The following LRP6 variants were observed in gnomAD, a reference collection of about 807,000 sequenced individuals.
The protein encoded by LRP6 is low-density lipoprotein receptor-related protein 6.
Under a neutral mutation model 184.1 loss-of-function variants are expected in LRP6, and 43 were observed. The observed-to-expected ratio is 0.23, with a 90% CI of 0.18 to 0.30. The LOEUF is 0.30. Among genes scored for constraint, LRP6 ranks in the 10% least tolerant of loss-of-function variants. LRP6 has a pLI of 1.00. For synonymous variants in LRP6, 719 were observed against 684.9 expected (o/e 1.05, Z -0.78); for missense variants, 1,571 against 2,005.3 (o/e 0.78, Z 4.14).
At chr12:12,143,663 C>T (rs1949963675) in intron 15 of LRP6, among the ~76,000 whole-genome samples, 1 of 152,042 alleles carries the variant, frequency 6.6e-6, no homozygotes, top group Non-Finnish European at 1.5e-5. Context: ...GATGCTGAAT[C>T]CAACAGTAAT....
Position 12,148,965 on chromosome 12 carries a change from G to T in LRP6, c.3183C>A (p.Ala1061=), listed in dbSNP as rs776614012. Reference sequence around the variant, plus strand: ...ACCCTTTCTCTGGGTTTACCACAACGGCTCGAGGTCTGTCCTGCTCGCCTT... The same window carrying T: ...ACCCTTTCTCTGGGTTTACCACAACTGCTCGAGGTCTGTCCTGCTCGCCTT... ...VLKGEQDRPR[A]VVVNPEKGYM... is the part of the protein sequence containing the mutation. The change falls in exon 14 of 23, where the codon GCC becomes GCA. Residue 1061 remains alanine, a synonymous_variant. Coordinates refer to ENST00000261349, the MANE Select transcript of LRP6 (RefSeq NM_002336.3). The T allele has an allele frequency of 2.5e-5, 40 of 1,613,446 alleles. No homozygotes were observed. In the South Asian group the frequency reaches 4.4e-4, roughly 18 times the overall value.
At position 12,118,679 on chromosome 12, in the gene LRP6, C is replaced by A. The variant is rs926063560; in HGVS notation, c.*2447G>T. The A allele has an allele frequency of 6.6e-6, 1 of 152,144 alleles. No homozygotes were observed. Among genetic ancestry groups the A allele is most frequent in the Non-Finnish European group, 1.5e-5 (1 of 68,012 alleles). 9.4% of individuals were successfully genotyped at this position (152,144 alleles called of 1,614,324 possible). A position where few individuals can be genotyped will look rare whatever the true frequency, so the allele number is the denominator to read the frequency against. Reference sequence around the variant, plus strand: ...GCTCAATAAATCTTTCCAAATTTGACAATTCTCTCATTAAAAAGTACTCCC... The same window carrying A: ...GCTCAATAAATCTTTCCAAATTTGAAAATTCTCTCATTAAAAAGTACTCCC... On this transcript the variant is annotated 3_prime_UTR_variant, in exon 23 of 23. Coordinates refer to ENST00000261349, the MANE Select transcript of LRP6 (RefSeq NM_002336.3).
At chr12:12,160,060 A>G in intron 10 of LRP6, 96 bp from the exon 11 acceptor site, 3 of 878,456 alleles carry the variant, frequency 3.4e-6, no homozygotes, top group Non-Finnish European at 5.1e-6. Flanking sequence ...ATTTAAAGAA[A>G]ACATACAGCA....
At chr12:12,161,619 T>C (rs1229123612) in intron 10 of LRP6, among the ~76,000 whole-genome samples, 1 of 152,218 alleles carries the variant, frequency 6.6e-6, no homozygotes, top group Non-Finnish European at 1.5e-5. Flanking sequence ...TCAGATTTCT[T>C]AGCTGCCGGC....
intron 2 of LRP6, among the ~76,000 whole-genome samples, chr12:12,221,048 C>G (rs1037605658): frequency 6.6e-6 from 1 of 152,240 alleles, no homozygotes; most frequent in African/African-American, 2.4e-5. Context: ...GTTCTTCCCA[C>G]AATCTACTAT....
intron 2 of LRP6, among the ~76,000 whole-genome samples, chr12:12,235,691 T>A (rs913221760): frequency 1.3e-5 from 2 of 149,042 alleles, no homozygotes; most frequent in Non-Finnish European, 3.0e-5. Context: ...GATCGCGCCA[T>A]TGCACTCCAG....
At chr12:12,134,123 G>A (rs541168437) in intron 17 of LRP6, among the ~76,000 whole-genome samples, 4 of 152,040 alleles carry the variant, frequency 2.6e-5, no homozygotes, top group South Asian at 2.1e-4. Flanking sequence ...CTTATAGTTC[G>A]ACGAATAAAA....
Position 12,159,198 on chromosome 12 carries a change from G to A in LRP6, c.2465-43C>T, listed in dbSNP as rs1008159796. 6.2e-6 allele frequency: 9 copies of A among 1,441,882 alleles called. No individual in the cohort carries two copies. In the African/African-American group the frequency reaches 7.0e-5, roughly 11 times the overall value. The allele number at this position is 1,441,882 out of a possible 1,614,324, so 89.3% of individuals were successfully genotyped here. ...GTAGACAGGGGAGAAGCAGAGTGAT[G>A]AAATATGTGAGAATACAAGTGTCTT... is the stretch of plus-strand genomic sequence containing the variant. On this transcript the variant is annotated intron_variant, in intron 11 of 22. Coordinates refer to ENST00000261349, the MANE Select transcript of LRP6 (RefSeq NM_002336.3).
intron 1 of LRP6, chr12:12,249,551 T>C (rs891016814): frequency 9.5e-6 from 5 of 526,736 alleles, no homozygotes; most frequent in African/African-American, 7.7e-5. Context: ...GCAAATTTTC[T>C]AGATATGTCT....
chr12:12,126,033 C>G (rs998835795), intron 20 of LRP6, among the ~76,000 whole-genome samples: 1 of 152,108 alleles, frequency 6.6e-6, no homozygotes, highest in African/African-American at 2.4e-5. Flanking sequence ...ATAGTAAGTT[C>G]CTATTTTCAG....
At chr12:12,265,640 T>A (rs781431115) in intron 1 of LRP6, among the ~76,000 whole-genome samples, 1 of 152,100 alleles carries the variant, frequency 6.6e-6, no homozygotes, top group Non-Finnish European at 1.5e-5. Flanking sequence ...AAACCAAAAC[T>A]ACAAGCCACC....
chr12:12,136,196 C>A (rs1949836907), intron 16 of LRP6, among the ~76,000 whole-genome samples: 1 of 151,738 alleles, frequency 6.6e-6, no homozygotes, highest in African/African-American at 2.4e-5. Context: ...CTACAAAAAA[C>A]AACAACAAAA....
At chr12:12,266,552 C>A in intron 1 of LRP6, 129 bp downstream of exon 1, 1 of 839,954 alleles carries the variant, frequency 1.2e-6, no homozygotes, top group South Asian at 1.6e-5. Flanking sequence ...TCCCCCTCCC[C>A]ACGACCAGGC....
At chr12:12,179,668 G>A (rs1863293570) in intron 7 of LRP6, 142 bp downstream of exon 7, 2 of 759,730 alleles carry the variant, frequency 2.6e-6, no homozygotes, top group Non-Finnish European at 4.3e-6. Context: ...AATCATGAAG[G>A]TTGAGTAAAA....
At chr12:12,231,180 C>CGAAAAAAA (rs1864776972) in intron 2 of LRP6, among the ~76,000 whole-genome samples, 1 of 23,558 alleles carries the variant, frequency 4.2e-5, no homozygotes, top group Non-Finnish European at 6.6e-5. Context: ...GACTCCATCT[C>CGAAAAAAA]AAAAAAAAAA....
At chr12:12,161,143 A>G (rs921095990) in intron 10 of LRP6, among the ~76,000 whole-genome samples, 3 of 152,256 alleles carry the variant, frequency 2.0e-5, no homozygotes, top group Non-Finnish European at 4.4e-5. Flanking sequence ...GTTTAGAGCA[A>G]AGATCACCAC....
intron 4 of LRP6, among the ~76,000 whole-genome samples, chr12:12,185,646 C>T (rs1863449750): frequency 6.6e-6 from 1 of 152,162 alleles, no homozygotes; most frequent in South Asian, 2.1e-4. Flanking sequence ...TACAAGTTCT[C>T]AGCAGTCATA....
chr12:12,188,114 A>G (rs1863522369), intron 3 of LRP6, among the ~76,000 whole-genome samples: 1 of 151,358 alleles, frequency 6.6e-6, no homozygotes. Flanking sequence ...CGGAAGGCTG[A>G]GGCAGAGAAC....
chr12:12,177,874 A>G (rs1391007538), intron 7 of LRP6, among the ~76,000 whole-genome samples: 2 of 152,084 alleles, frequency 1.3e-5, no homozygotes, highest in Non-Finnish European at 2.9e-5. Flanking sequence ...TTTGCAGATT[A>G]AAAGAACGAA....
Sources: gnomAD v4.1 joint callset for allele counts (sites outside exome capture counted in the v4.1 genomes callset) on GRCh38, gnomAD v4.1.1 for gene constraint, MANE v1.5 for transcripts, NCBI Gene and HGNC (gene_info 2026-07-23, HGNC 2026-07-21) for gene names.